GUCY1A2: variants seen among roughly 807,000 people sequenced by gnomAD.
The protein encoded by GUCY1A2 is guanylate cyclase 1 soluble subunit alpha 2, also known as guanylate cyclase soluble subunit alpha-2.
Under a neutral mutation model 63.5 loss-of-function variants are expected in GUCY1A2, and 27 were observed. That is an observed-to-expected ratio of 0.43 (90% CI 0.31 to 0.59). The LOEUF is 0.59. Ranked by LOEUF, GUCY1A2 falls within the 20% of genes least tolerant of loss-of-function variation. The probability of loss-of-function intolerance (pLI) is 0.11; values close to 1 mark genes in which losing one functional copy is unlikely to be tolerated. For synonymous variants in GUCY1A2, 364 were observed against 343.5 expected, an observed-to-expected ratio of 1.06 and a Z score of -0.66; for missense variants, 768 against 913.3, an observed-to-expected ratio of 0.84 and a Z score of 2.05.
intron 4 of GUCY1A2, among the ~76,000 whole-genome samples, chr11:106,895,762 A>G (rs1860038645): frequency 2.6e-5 from 4 of 152,164 alleles, no homozygotes; most frequent in African/African-American, 7.2e-5. Flanking sequence ...TGAGGCCAGT[A>G]TCACCCTAAT....
intron 4 of GUCY1A2, among the ~76,000 whole-genome samples, chr11:106,883,738 C>A (rs781397509): frequency 3.9e-5 from 6 of 151,922 alleles, no homozygotes; most frequent in Non-Finnish European, 8.8e-5. Flanking sequence ...TTTGAATGCC[C>A]ACTGGGGTAG....
At chr11:107,011,364 C>T (rs12807708) in intron 1 of GUCY1A2, among the ~76,000 whole-genome samples, 2 of 151,356 alleles carry the variant, frequency 1.3e-5, no homozygotes, top group Non-Finnish European at 2.9e-5. Flanking sequence ...TTAACGGCAA[C>T]AGGACAAAAA....
At chr11:106,813,237 T>C (rs1051649486) in intron 4 of GUCY1A2, among the ~76,000 whole-genome samples, 5 of 152,032 alleles carry the variant, frequency 3.3e-5, no homozygotes, top group African/African-American at 1.2e-4. Context: ...ATTTGTCAGA[T>C]TTCAGAAATT....
chr11:106,851,735 G>T (rs1405244056), intron 4 of GUCY1A2, among the ~76,000 whole-genome samples: 2 of 151,788 alleles, frequency 1.3e-5, no homozygotes, highest in African/African-American at 2.4e-5. Flanking sequence ...ATACTATTTT[G>T]ATTACTCTTG....
chr11:106,860,527 T>G (rs1859496833), intron 4 of GUCY1A2, among the ~76,000 whole-genome samples: 3 of 151,972 alleles, frequency 2.0e-5, no homozygotes, highest in Admixed American at 2.0e-4. Context: ...CCAACCATAG[T>G]GTATTTTACC....
At chr11:106,800,657 A>G (rs1295933140) in intron 5 of GUCY1A2, among the ~76,000 whole-genome samples, 1 of 152,066 alleles carries the variant, frequency 6.6e-6, no homozygotes, top group Admixed American at 6.6e-5. Flanking sequence ...CAAACACCGC[A>G]TGTTCTCACT....
chr11:106,943,289 T>A (rs972788993), intron 3 of GUCY1A2, among the ~76,000 whole-genome samples: 5 of 152,210 alleles, frequency 3.3e-5, no homozygotes, highest in African/African-American at 1.2e-4. Flanking sequence ...AGTAAATCAT[T>A]TGAAACATAT....
intron 2 of GUCY1A2, among the ~76,000 whole-genome samples, chr11:106,979,446 C>G (rs534217253): frequency 2.9e-5 from 4 of 136,826 alleles, no homozygotes; most frequent in African/African-American, 1.1e-4. Flanking sequence ...CAGAGTGAGA[C>G]TCCGTCTCAA....
At chr11:106,728,245 A>G (rs1228725849) in intron 6 of GUCY1A2, among the ~76,000 whole-genome samples, 1 of 151,996 alleles carries the variant, frequency 6.6e-6, no homozygotes, top group African/African-American at 2.4e-5. Context: ...AATCTTCAAC[A>G]CTCGTGTCAT....
At chr11:106,893,634 A>G (rs10890620) in intron 4 of GUCY1A2, among the ~76,000 whole-genome samples, 111,451 of 151,996 alleles carry the variant, frequency 0.73, 41,407 homozygotes, top group East Asian at 0.86. Flanking sequence ...CTGAAAAATT[A>G]GCAACTCTTC....
chr11:106,691,954 G>C (rs1333054373), intron 7 of GUCY1A2, among the ~76,000 whole-genome samples: 6 of 152,126 alleles, frequency 3.9e-5, no homozygotes, highest in Non-Finnish European at 7.4e-5. Flanking sequence ...TGGGGGGTTT[G>C]TGGAGGAGGT....
intron 4 of GUCY1A2, among the ~76,000 whole-genome samples, chr11:106,907,037 A>G (rs1186271900): frequency 4.6e-5 from 7 of 152,146 alleles, no homozygotes; most frequent in Admixed American, 4.6e-4. Context: ...ATATCTAAGT[A>G]ACAAAACTGC....
rs1862334832 is a variant in GUCY1A2 at position 106,675,735 on chromosome 11, T to A, written c.*11814A>T. ...CATCATTTCAAGACAAAGGTTTTCT[T>A]AACAGTGAAAATCACAGGAAGAAAG... On this transcript the variant is annotated 3_prime_UTR_variant, in exon 8 of 8. Transcript: ENST00000526355. 5.2e-6 allele frequency: 1 copy of A among 190,876 alleles called. No homozygotes were observed. The highest frequency in any genetic ancestry group is 1.9e-4 in the South Asian group (1 of 5,150). The allele number at this position is 190,876 out of a possible 1,614,324, so 11.8% of individuals were successfully genotyped here. A position where few individuals can be genotyped will look rare whatever the true frequency, so the allele number is the denominator to read the frequency against.
intron 6 of GUCY1A2, among the ~76,000 whole-genome samples, chr11:106,723,846 G>T (rs1863358751): frequency 6.6e-6 from 1 of 151,922 alleles, no homozygotes; most frequent in Non-Finnish European, 1.5e-5. Flanking sequence ...GTAAAAATAT[G>T]AATTTAAACC....
chr11:106,792,203 T>C (rs1467953502), intron 5 of GUCY1A2, among the ~76,000 whole-genome samples: 2 of 151,858 alleles, frequency 1.3e-5, no homozygotes, highest in Non-Finnish European at 2.9e-5. Flanking sequence ...TTGGCCAACA[T>C]AGTGAAACCC....
chr11:106,887,962 T>G (rs947437556), intron 4 of GUCY1A2, among the ~76,000 whole-genome samples: 2 of 152,160 alleles, frequency 1.3e-5, no homozygotes, highest in Non-Finnish European at 2.9e-5. Flanking sequence ...CCAGTAGGGC[T>G]AGAGTCCTAC....
chr11:106,715,467 G>C (rs1236807313), intron 6 of GUCY1A2, among the ~76,000 whole-genome samples: 1 of 152,170 alleles, frequency 6.6e-6, no homozygotes, highest in African/African-American at 2.4e-5. Flanking sequence ...CCAAATTTAA[G>C]TGATGCCTCA....
chr11:106,972,130 A>G (rs772772024), intron 3 of GUCY1A2, among the ~76,000 whole-genome samples: 19 of 152,202 alleles, frequency 1.2e-4, no homozygotes, highest in Non-Finnish European at 2.4e-4. Context: ...AGATAAGTCA[A>G]CTAAATGTAA....
intron 6 of GUCY1A2, among the ~76,000 whole-genome samples, chr11:106,741,633 G>C (rs1273409044): frequency 6.6e-6 from 1 of 152,178 alleles, no homozygotes; most frequent in Non-Finnish European, 1.5e-5. Flanking sequence ...TACTATTGTT[G>C]TCAGAATTAT....
Sources: allele counts gnomAD v4.1 joint callset (sites outside exome capture counted in the v4.1 genomes callset), GRCh38; gene constraint gnomAD v4.1.1; transcripts MANE v1.5; gene names NCBI Gene and HGNC (gene_info 2026-07-23, HGNC 2026-07-21).